ADAMTS9: variants seen among roughly 807,000 people sequenced by gnomAD.
ADAMTS9 encodes A disintegrin and metalloproteinase with thrombospondin motifs 9.
A neutral mutation model predicts 257.1 loss-of-function variants in ADAMTS9; 107 were observed. That is an observed-to-expected ratio of 0.42 (90% confidence interval 0.36 to 0.49). ADAMTS9 has a LOEUF of 0.49. Among genes scored for constraint, ADAMTS9 ranks in the 20% least tolerant of loss-of-function variants. The pLI is 0.03. For missense variants in ADAMTS9, 2,353 were observed against 2,469.1 expected (o/e 0.95, Z 1.00); for synonymous variants, 982 against 880.9 (o/e 1.11, Z -2.03).
intron 4 of ADAMTS9, among the ~76,000 whole-genome samples, chr3:64,657,618 A>T (rs9822944): frequency 6.6e-6 from 1 of 152,012 alleles, no homozygotes; most frequent in Non-Finnish European, 1.5e-5. Flanking sequence ...GATTACAGGC[A>T]TGAGTGACTG....
intron 37 of ADAMTS9, among the ~76,000 whole-genome samples, chr3:64,533,893 G>A (rs1303153884): frequency 6.6e-6 from 1 of 152,164 alleles, no homozygotes; most frequent in Non-Finnish European, 1.5e-5. Context: ...CCTCCCCTCC[G>A]AGGGTGCCTT....
At chr3:64,528,896 A>C (rs889430934) in intron 38 of ADAMTS9, among the ~76,000 whole-genome samples, 1 of 152,122 alleles carries the variant, frequency 6.6e-6, no homozygotes, top group South Asian at 2.1e-4. Flanking sequence ...CTGGAAGTTA[A>C]ATAACTTGCC....
At chr3:64,613,224 G>A (rs1559791887) in intron 22 of ADAMTS9, 121 bp downstream of exon 22, 2 of 1,164,694 alleles carry the variant, frequency 1.7e-6, no homozygotes, top group East Asian at 5.0e-5. Flanking sequence ...GTGCCATGGA[G>A]GTGTCCTGCA....
intron 29 of ADAMTS9, among the ~76,000 whole-genome samples, 195 bp from the exon 30 acceptor site, chr3:64,561,946 C>A (rs2083434644): frequency 6.6e-6 from 1 of 152,096 alleles, no homozygotes; most frequent in Non-Finnish European, 1.5e-5. Context: ...CTTATCTTAT[C>A]CACGCTGGAG....
intron 37 of ADAMTS9, among the ~76,000 whole-genome samples, 174 bp from the exon 38 acceptor site, chr3:64,533,444 T>A (rs1220760627): frequency 1.3e-5 from 2 of 152,246 alleles, no homozygotes; most frequent in African/African-American, 4.8e-5. Context: ...CAGCCATTCT[T>A]CATGCATCAT....
At chr3:64,591,795 T>C (rs2084263535) in intron 28 of ADAMTS9, among the ~76,000 whole-genome samples, 1 of 152,174 alleles carries the variant, frequency 6.6e-6, no homozygotes. Flanking sequence ...ATCTAATGCA[T>C]GGGAGTACTG....
intron 16 of ADAMTS9, among the ~76,000 whole-genome samples, chr3:64,624,230 A>T (rs1358537348): frequency 1.3e-5 from 2 of 151,726 alleles, no homozygotes; most frequent in East Asian, 3.9e-4. Context: ...TGAAATAAAC[A>T]AAGAGAGTGG....
At chr3:64,590,638 T>A (rs533165369) in intron 28 of ADAMTS9, among the ~76,000 whole-genome samples, 1 of 152,120 alleles carries the variant, frequency 6.6e-6, no homozygotes, top group Non-Finnish European at 1.5e-5. Flanking sequence ...ACATTTTCTC[T>A]TCCTACCTAC....
rs114426396 is a variant in ADAMTS9 at position 64,539,785 on chromosome 3, G to A, written c.5522-491C>T. Among the ~76,000 whole-genome samples the A allele has an allele frequency of 3.5e-3, 539 of 152,308 alleles. 4 individuals are homozygous for A. Among genetic ancestry groups the A allele is most frequent in the Admixed American group, 5.9e-3 (90 of 15,294 alleles). Reference sequence around the variant, plus strand: ...GCCTAGGCAGTATTATTGCCAAAATGTGGCGCAATTAGAACCCCCATCTTG... The same window carrying A: ...GCCTAGGCAGTATTATTGCCAAAATATGGCGCAATTAGAACCCCCATCTTG... On this transcript the variant is annotated intron_variant, in intron 36 of 39. Coordinates refer to ENST00000498707, the MANE Select transcript of ADAMTS9 (RefSeq NM_182920.2).
At chr3:64,681,134 T>A in intron 3 of ADAMTS9, 67 bp downstream of exon 3, 1 of 1,523,990 alleles carries the variant, frequency 6.6e-7, no homozygotes, top group African/African-American at 1.4e-5. Flanking sequence ...GAGAGCTACA[T>A]CTCTGTAGTA....
chr3:64,606,918 G>C, intron 23 of ADAMTS9, 42 bp downstream of exon 23: 1 of 1,609,606 alleles, frequency 6.2e-7, no homozygotes, highest in African/African-American at 1.3e-5. Flanking sequence ...TTGGTACCTT[G>C]GTCCCCAAAG....
At chr3:64,645,898 A>G (rs370574689) in intron 11 of ADAMTS9, among the ~76,000 whole-genome samples, 2 of 152,282 alleles carry the variant, frequency 1.3e-5, no homozygotes, top group East Asian at 3.9e-4. Flanking sequence ...TTACCCTACG[A>G]TCCCTCCTCT....
chr3:64,572,041 A>C (rs983541997), intron 28 of ADAMTS9, among the ~76,000 whole-genome samples: 1 of 147,490 alleles, frequency 6.8e-6, no homozygotes, highest in African/African-American at 2.6e-5. Flanking sequence ...TAATTCCTCA[A>C]ATTCACAGCC....
chr3:64,529,261 G>T lies in ADAMTS9; in HGVS notation c.5718+3905C>A, dbSNP rs1460501762. On this transcript the variant is annotated intron_variant, in intron 38 of 39. Transcript: ENST00000498707. The stretch of plus-strand genomic sequence containing the variant: ...AAGTCAACAGTGAACTTGATATTGA[G>T]ACTGATTTTGACCAGTTCTGCTCTT... Among the ~76,000 whole-genome samples the T allele has an allele frequency of 2.0e-5, 3 of 152,224 alleles. No individual in the cohort carries two copies. In the East Asian group the frequency reaches 5.8e-4, roughly 29 times the overall value.
At chr3:64,525,711 A>T (rs1266036198) in intron 38 of ADAMTS9, among the ~76,000 whole-genome samples, 1 of 151,914 alleles carries the variant, frequency 6.6e-6, no homozygotes, top group Admixed American at 6.6e-5. Context: ...CCCGGGTTCA[A>T]GCGATTCTCC....
intron 9 of ADAMTS9, chr3:64,650,703 A>G: frequency 3.9e-6 from 1 of 254,862 alleles, no homozygotes; most frequent in Non-Finnish European, 7.3e-6. Flanking sequence ...TTCATTAAGA[A>G]ATCACATTCA....
Position 64,604,274 on chromosome 3 carries a change from T to C in ADAMTS9, c.3532A>G (p.Thr1178Ala), listed in dbSNP as rs759944904. The change falls in exon 24 of 40, where the codon ACA (threonine) becomes GCA (alanine). Residue 1178 changes from threonine (T) to alanine (A), a missense_variant. Physicochemically the swap from Thr to Ala is moderately conservative, Grantham distance 58 (BLOSUM62 0). This residue lies in a region of ADAMTS9 where 1,402 missense variants were observed against 1,441.4 expected (regional missense o/e 0.97). Coordinates refer to ENST00000498707, the MANE Select transcript of ADAMTS9 (RefSeq NM_182920.2). Reference protein sequence around the residue: ...PPAAPETRRSTYSAPRTQWRF... With the variant: ...PPAAPETRRSAYSAPRTQWRF... ...CACTGGGTTCTTGGTGCACTGTATGTGCTTCTCCTCGTTTCCGGGGCAGCT... is the reference window on the plus strand; with the variant it reads ...CACTGGGTTCTTGGTGCACTGTATGCGCTTCTCCTCGTTTCCGGGGCAGCT... The C allele has an allele frequency of 1.2e-6, 2 of 1,613,716 alleles. No homozygotes were observed. The highest frequency in any genetic ancestry group is 2.2e-5 in the South Asian group (2 of 91,004).
At chr3:64,620,967 G>T in intron 19 of ADAMTS9, 147 bp downstream of exon 19, 1 of 973,860 alleles carries the variant, frequency 1.0e-6, no homozygotes, top group Non-Finnish European at 1.5e-6. Flanking sequence ...GTTCCAGAGG[G>T]ATGGAGAATT....
intron 12 of ADAMTS9, among the ~76,000 whole-genome samples, chr3:64,637,623 CT>C (rs1416013577): frequency 1.4e-4 from 21 of 152,240 alleles, no homozygotes; most frequent in Non-Finnish European, 1.0e-4. Context: ...CAGAAATCAA[CT>C]TCTACGTTTA....
Sources: allele counts gnomAD v4.1 joint callset (sites outside exome capture counted in the v4.1 genomes callset), GRCh38; gene constraint gnomAD v4.1.1; regional missense constraint gnomAD v4.1.1; transcripts MANE v1.5; gene names NCBI Gene and HGNC (gene_info 2026-07-23, HGNC 2026-07-21).